SLC4A4: variants seen among roughly 807,000 people sequenced by gnomAD.
The protein encoded by SLC4A4 is electrogenic sodium bicarbonate cotransporter 1.
A neutral mutation model predicts 111.5 loss-of-function variants in SLC4A4; 27 were observed. That is an observed-to-expected ratio of 0.24 (90% confidence interval 0.18 to 0.33). The LOEUF is 0.33. Ranked by LOEUF, SLC4A4 falls within the 10% of genes least tolerant of loss-of-function variation. The pLI is 1.00. For synonymous variants in SLC4A4, 443 were observed against 463.4 expected, an observed-to-expected ratio of 0.96 and a Z score of 0.57; for missense variants, 909 against 1,315.5, an observed-to-expected ratio of 0.69 and a Z score of 4.78.
chr4:71,190,385 T>TACACACAC (rs5859253), intron 1 of SLC4A4, among the ~76,000 whole-genome samples: 103 of 143,770 alleles, frequency 7.2e-4, no homozygotes, highest in Middle Eastern at 7.0e-3. Context: ...TATGTATGTT[T>TACACACAC]ACACACACAC....
At chr4:71,377,866 C>A (rs544777558) in intron 6 of SLC4A4, among the ~76,000 whole-genome samples, 9 of 152,172 alleles carry the variant, frequency 5.9e-5, no homozygotes, top group African/African-American at 2.2e-4. Context: ...TAAAGACATA[C>A]CCAAAACTGG....
intron 6 of SLC4A4, among the ~76,000 whole-genome samples, chr4:71,360,995 C>T (rs1179134451): frequency 4.6e-5 from 7 of 152,132 alleles, no homozygotes. Flanking sequence ...TCCTGCCTTG[C>T]AGATTGAATC....
At chr4:71,166,828 A>G (rs1403539338) in intron 2 of SLC4A4, among the ~76,000 whole-genome samples, 5 of 152,204 alleles carry the variant, frequency 3.3e-5, no homozygotes, top group African/African-American at 4.8e-5. Context: ...GTGAAATGAC[A>G]TTTAGTTTAA....
At chr4:71,358,220 C>G (rs187226370) in intron 6 of SLC4A4, among the ~76,000 whole-genome samples, 1 of 151,520 alleles carries the variant, frequency 6.6e-6, no homozygotes, top group East Asian at 1.9e-4. Flanking sequence ...GAGGGTGAGG[C>G]CAGAGAAAAG....
chr4:71,172,957 A>G (rs1744984229), intron 2 of SLC4A4, among the ~76,000 whole-genome samples: 1 of 152,238 alleles, frequency 6.6e-6, no homozygotes, highest in Non-Finnish European at 1.5e-5. Flanking sequence ...CATACTTTGT[A>G]GTACTGTCTG....
At chr4:71,187,674 C>T (rs967300980) in intron 1 of SLC4A4, among the ~76,000 whole-genome samples, 8 of 152,156 alleles carry the variant, frequency 5.3e-5, no homozygotes, top group Non-Finnish European at 1.0e-4. Flanking sequence ...ACTGCTAAGT[C>T]CCCTGCGCGC....
rs757862562 is a variant in SLC4A4, at chr4:71,451,217, T to C, written c.1238T>C (p.Val413Ala). ...AATATGTACTCAGGTGGAGAGAATGTTCAGATGAATGGGGATACGCCCCAT... is the reference window on the plus strand; with the variant it reads ...AATATGTACTCAGGTGGAGAGAATGCTCAGATGAATGGGGATACGCCCCAT... ...RKNMYSGGEN[V>A]QMNGDTPHDG... Residue 413 changes from valine (V) to alanine (A), a missense_variant, in exon 11 of 26, where the codon GTT (valine) becomes GCT (alanine). By Grantham distance (64) the Val-to-Ala change is moderately conservative. Coordinates refer to ENST00000264485, the MANE Select transcript of SLC4A4 (RefSeq NM_001098484.3). 5.6e-6 allele frequency: 9 copies of C among 1,611,826 alleles called. No individual in the cohort carries two copies. The highest frequency in any genetic ancestry group is 7.6e-6 in the Non-Finnish European group (9 of 1,178,088).
At chr4:71,320,150 G>C (rs16846275) in intron 3 of SLC4A4, among the ~76,000 whole-genome samples, 1,656 of 152,094 alleles carry the variant, frequency 0.011, 30 homozygotes, top group African/African-American at 0.035. Flanking sequence ...CACACCACTT[G>C]CAAGCAACAG....
chr4:71,516,811 G>A (rs1464070284), intron 16 of SLC4A4, among the ~76,000 whole-genome samples: 1 of 152,078 alleles, frequency 6.6e-6, no homozygotes, highest in Non-Finnish European at 1.5e-5. Context: ...TGTTCTATTC[G>A]AGGTATGTTT....
At chr4:71,381,496 G>A (rs1429176687) in intron 6 of SLC4A4, among the ~76,000 whole-genome samples, 3 of 152,234 alleles carry the variant, frequency 2.0e-5, no homozygotes, top group South Asian at 2.1e-4. Context: ...AGTGATTATC[G>A]TAACCTCAGA....
chr4:71,447,949 G>A (rs1193077615), intron 9 of SLC4A4, among the ~76,000 whole-genome samples: 2 of 152,060 alleles, frequency 1.3e-5, no homozygotes, highest in Non-Finnish European at 2.9e-5. Flanking sequence ...AAACTCTGTT[G>A]GAATAAAACA....
At chr4:71,178,419 TG>T (rs1745164454) in intron 2 of SLC4A4, among the ~76,000 whole-genome samples, 1 of 152,056 alleles carries the variant, frequency 6.6e-6, no homozygotes, top group East Asian at 1.9e-4. Flanking sequence ...ATCCAGGAGC[TG>T]GTTTTTTGAA....
chr4:71,391,174 G>C (rs1255313582), intron 6 of SLC4A4, among the ~76,000 whole-genome samples: 2 of 151,988 alleles, frequency 1.3e-5, no homozygotes, highest in Non-Finnish European at 2.9e-5. Context: ...CAAATATTCT[G>C]ACAAGAACAT....
intron 7 of SLC4A4, among the ~76,000 whole-genome samples, chr4:71,429,760 G>A (rs1723471221): frequency 1.3e-5 from 2 of 152,040 alleles, no homozygotes; most frequent in Non-Finnish European, 2.9e-5. Context: ...GTTATTTTTT[G>A]AAGAAACAAC....
At chr4:71,221,407 C>A (rs910718609) in intron 1 of SLC4A4, among the ~76,000 whole-genome samples, 2 of 152,192 alleles carry the variant, frequency 1.3e-5, no homozygotes, top group African/African-American at 4.8e-5. Flanking sequence ...CACGGGATGT[C>A]ATTCTTATGG....
intron 3 of SLC4A4, among the ~76,000 whole-genome samples, chr4:71,328,646 T>C (rs1727698228): frequency 6.6e-6 from 1 of 152,154 alleles, no homozygotes. Context: ...TTCAGATCTT[T>C]TGCCCATTTT....
rs531505019 is a variant in SLC4A4 at position 71,424,371 on chromosome 4, G to A, written c.808-16245G>A. Among the ~76,000 whole-genome samples the A allele has an allele frequency of 1.3e-3, 196 of 151,764 alleles. 1 individual carries two copies. The highest frequency in any genetic ancestry group is 4.6e-3 in the African/African-American group (191 of 41,432). On this transcript the variant is annotated intron_variant, in intron 7 of 25. Coordinates refer to ENST00000264485, the MANE Select transcript of SLC4A4 (RefSeq NM_001098484.3). ...TGCTGGAGAGGATGTGGAGAAATAG[G>A]AACACTTTTACACTGTTGGTGGGAC...
chr4:71,570,176 C>T lies in SLC4A4; in HGVS notation c.*2425C>T, dbSNP rs1737834170. ...TCTTTTCTGATCATGAATCAAGTAT[C>T]TGTGGTTTCATGCCCCTCTCTATAC... On this transcript the variant is annotated 3_prime_UTR_variant, in exon 26 of 26. Coordinates refer to ENST00000264485, the MANE Select transcript of SLC4A4 (RefSeq NM_001098484.3). 2 of 148,482 alleles carry T rather than the reference C, an allele frequency of 1.3e-5. No homozygotes were observed. The highest frequency in any genetic ancestry group is 4.9e-5 in the African/African-American group (2 of 40,566). The allele number at this position is 148,482 out of a possible 1,614,324, so 9.2% of individuals were successfully genotyped here.
chr4:71,546,442 G>A lies in SLC4A4; in HGVS notation c.2535G>A (p.Thr845=), dbSNP rs199806973. 2.7e-5 allele frequency: 44 copies of A among 1,612,606 alleles called. No individual in the cohort carries two copies. Among genetic ancestry groups the A allele is most frequent in the African/African-American group, 6.7e-5 (5 of 74,802 alleles). ...LMALPWYVAA[T]VISIAHIDSL... is the part of the protein sequence containing the mutation. ...CTCTTCCGTGGTATGTAGCTGCTAC[G>A]GTCATCTCCATTGCTCACATCGACA... is the stretch of plus-strand genomic sequence containing the variant. The change falls in exon 19 of 26, where the codon ACG becomes ACA. Residue 845 remains threonine, a synonymous_variant. Transcript: ENST00000264485.
Sources: allele counts gnomAD v4.1 joint callset (sites outside exome capture counted in the v4.1 genomes callset), GRCh38; gene constraint gnomAD v4.1.1; transcripts MANE v1.5; gene names NCBI Gene and HGNC (gene_info 2026-07-23, HGNC 2026-07-21).